DLG2: variants seen among roughly 807,000 people sequenced by gnomAD.
The protein encoded by DLG2 is disks large homolog 2.
In DLG2, 45 loss-of-function variants were observed where a neutral mutation model predicts 132.5. That is an observed-to-expected ratio of 0.34 (90% CI 0.27 to 0.44). The LOEUF (loss-of-function observed/expected upper bound fraction) is 0.44, where lower values mean the gene tolerates loss of function less well. DLG2 is among the 20% of genes least tolerant of loss of function. The pLI, the probability that DLG2 is intolerant of heterozygous loss-of-function variation, is 1.00. For missense variants in DLG2, 1,045 were observed against 1,196.9 expected, an observed-to-expected ratio of 0.87 and a Z score of 1.87; for synonymous variants, 424 against 419.6, an observed-to-expected ratio of 1.01 and a Z score of -0.13.
intron 11 of DLG2, among the ~76,000 whole-genome samples, chr11:84,040,122 C>T (rs1439833281): frequency 2.9e-4 from 44 of 150,526 alleles, no homozygotes; most frequent in Admixed American, 2.9e-3. Context: ...GGATATTAGC[C>T]CTTTGTCAGA....
At chr11:83,509,289 T>G (rs1284673998) in intron 21 of DLG2, among the ~76,000 whole-genome samples, 1 of 152,242 alleles carries the variant, frequency 6.6e-6, no homozygotes, top group Admixed American at 6.5e-5. Context: ...TTTCTTCATC[T>G]GCATCATGAA....
Position 85,337,107 on chromosome 11 carries a change from C to T in DLG2, c.41-51742G>A, listed in dbSNP as rs912771159. Among the ~76,000 whole-genome samples, 4 of 152,134 alleles carry T rather than the reference C, an allele frequency of 2.6e-5. No homozygotes were observed. In the East Asian group the frequency reaches 5.8e-4, roughly 22 times the overall value. On this transcript the variant is annotated intron_variant, in intron 3 of 27. Coordinates refer to ENST00000376104, the MANE Select transcript of DLG2 (RefSeq NM_001142699.3). ...TAGTTCAATAAAGTTTAAATCATTC[C>T]GAAAGGCTAGGACACTTAAGTAATA...
chr11:84,418,413 A>G (rs1448725888), intron 7 of DLG2, among the ~76,000 whole-genome samples: 3 of 152,212 alleles, frequency 2.0e-5, no homozygotes, highest in Non-Finnish European at 4.4e-5. Context: ...TATATACACC[A>G]TTTAATTTCG....
chr11:84,445,915 CAAA>C (rs58758315), intron 7 of DLG2, among the ~76,000 whole-genome samples: 5 of 59,844 alleles, frequency 8.4e-5, no homozygotes, highest in African/African-American at 3.0e-4. Context: ...GACTTCGCCT[CAAA>C]AAAAAAAAAA....
At position 84,738,917 on chromosome 11, in the gene DLG2, T is replaced by C. The variant is rs896593537; in HGVS notation, c.358-204186A>G. Reference sequence around the variant, plus strand: ...ATATATATGTAAAACCTCAGAAGTATTGTTCCAATTGAAAGGCATGAAACT... The same window carrying C: ...ATATATATGTAAAACCTCAGAAGTACTGTTCCAATTGAAAGGCATGAAACT... On this transcript the variant is annotated intron_variant, in intron 6 of 27. Transcript: ENST00000376104. 5.9e-5 allele frequency among the ~76,000 whole-genome samples: 9 copies of C among 152,288 alleles called. No homozygotes were observed. The South Asian group carries it at 1.5e-3, about 25-fold the overall frequency.
chr11:84,763,020 T>A (rs2067860660), intron 6 of DLG2, among the ~76,000 whole-genome samples: 1 of 152,178 alleles, frequency 6.6e-6, no homozygotes, highest in Admixed American at 6.5e-5. Context: ...AGACATGCCA[T>A]TCACTCTGCA....
intron 6 of DLG2, among the ~76,000 whole-genome samples, chr11:84,741,055 TC>T (rs1256915579): frequency 2.3e-5 from 3 of 131,192 alleles, no homozygotes; most frequent in Admixed American, 7.7e-5. Flanking sequence ...GTGCCTATGC[TC>T]TTTTTTTTTT....
At chr11:84,191,140 G>A (rs903283714) in intron 8 of DLG2, among the ~76,000 whole-genome samples, 10 of 152,088 alleles carry the variant, frequency 6.6e-5, no homozygotes, top group African/African-American at 2.2e-4. Flanking sequence ...TGTGCAATCT[G>A]GAGAAAGTCA....
intron 4 of DLG2, among the ~76,000 whole-genome samples, chr11:85,193,252 C>T (rs1178567581): frequency 1.2e-4 from 19 of 152,274 alleles, no homozygotes; most frequent in Non-Finnish European, 2.1e-4. Flanking sequence ...CAGCAGCACA[C>T]GCTTTTTATG....
At chr11:84,604,844 A>G (rs1180324297) in intron 6 of DLG2, among the ~76,000 whole-genome samples, 1 of 151,998 alleles carries the variant, frequency 6.6e-6, no homozygotes, top group Non-Finnish European at 1.5e-5. Context: ...AATATATTTT[A>G]ACAAATAATA....
intron 7 of DLG2, among the ~76,000 whole-genome samples, chr11:84,503,449 T>C (rs577752091): frequency 6.6e-6 from 1 of 152,264 alleles, no homozygotes; most frequent in East Asian, 1.9e-4. Flanking sequence ...AATTAAACTG[T>C]TTCTAACACA....
At chr11:83,702,292 G>T (rs1176851764) in intron 18 of DLG2, among the ~76,000 whole-genome samples, 1 of 152,154 alleles carries the variant, frequency 6.6e-6, no homozygotes, top group African/African-American at 2.4e-5. Flanking sequence ...GACACCTACA[G>T]TTTCAAACAT....
chr11:83,678,794 T>C (rs760011662), intron 18 of DLG2, among the ~76,000 whole-genome samples: 1 of 152,164 alleles, frequency 6.6e-6, no homozygotes, highest in Non-Finnish European at 1.5e-5. Flanking sequence ...TTAGGGTAAC[T>C]TTCAGAGCTT....
chr11:85,226,534 C>G (rs1386223326), intron 4 of DLG2, among the ~76,000 whole-genome samples: 1 of 151,884 alleles, frequency 6.6e-6, no homozygotes, highest in Non-Finnish European at 1.5e-5. Context: ...GCCTGGGCAA[C>G]AGAGCAAGAC....
At chr11:83,462,187 A>C (rs1379321626) in intron 26 of DLG2, 94 bp from the exon 27 acceptor site, 2 of 839,352 alleles carry the variant, frequency 2.4e-6, no homozygotes, top group Non-Finnish European at 4.0e-6. Flanking sequence ...TACAGAAAAC[A>C]TAGTGTAATC....
At chr11:85,523,424 C>G (rs1321353275) in intron 3 of DLG2, among the ~76,000 whole-genome samples, 1 of 152,048 alleles carries the variant, frequency 6.6e-6, no homozygotes. Context: ...GGAAAAAGAT[C>G]TAAACAGACA....
rs748516906 is a variant in DLG2 at position 84,316,984 on chromosome 11, T to A, written c.520-65693A>T. 8.1e-6 allele frequency: 13 copies of A among 1,612,778 alleles called. No homozygotes were observed. In the South Asian group the frequency reaches 1.4e-4, roughly 18 times the overall value. Reference sequence around the variant, plus strand: ...TGTTTGAAGCTGGGCCCCCTGGTCCTGAGGAGGGCATGGTCTGAGAACTGT... The same window carrying A: ...TGTTTGAAGCTGGGCCCCCTGGTCCAGAGGAGGGCATGGTCTGAGAACTGT... On this transcript the variant is annotated intron_variant, in intron 7 of 27. Transcript: ENST00000376104.
chr11:84,533,905 C>CAAAAAAAAAAAAAAAAAA (rs558597260), intron 7 of DLG2, among the ~76,000 whole-genome samples: 44 of 70,278 alleles, frequency 6.3e-4, no homozygotes, highest in African/African-American at 1.0e-3. Flanking sequence ...CCAGTTCAGC[C>CAAAAAAAAAAAAAAAAAA]AAAAAAAAAA....
chr11:84,321,516 G>A lies in DLG2; in HGVS notation c.520-70225C>T, dbSNP rs188446448. 1.8e-4 allele frequency among the ~76,000 whole-genome samples: 27 copies of A among 152,164 alleles called. 1 individual carries two copies. In the East Asian group the frequency reaches 5.2e-3, roughly 29 times the overall value. On this transcript the variant is annotated intron_variant, in intron 7 of 27. Coordinates refer to ENST00000376104, the MANE Select transcript of DLG2 (RefSeq NM_001142699.3). ...CTGTGGCTTTTTACCAGTCTTGTCT[G>A]TGCCTCACACTCTTGCTCTGTCCTC...
Sources: gnomAD v4.1 joint callset for allele counts (sites outside exome capture counted in the v4.1 genomes callset) on GRCh38, gnomAD v4.1.1 for gene constraint, MANE v1.5 for transcripts, NCBI Gene and HGNC (gene_info 2026-07-23, HGNC 2026-07-21) for gene names.